The following COL27A1 variants were observed in gnomAD, a reference collection of about 807,000 sequenced individuals.
COL27A1 encodes collagen type XXVII alpha 1 chain, also known as collagen alpha-1(XXVII) chain.
Under a neutral mutation model 251.3 loss-of-function variants are expected in COL27A1, and 106 were observed. That is an observed-to-expected ratio of 0.42 (90% CI 0.36 to 0.50). COL27A1 has a LOEUF of 0.50. Among genes scored for constraint, COL27A1 ranks in the 20% least tolerant of loss-of-function variants. The pLI is 0.00. For synonymous variants in COL27A1, 1,000 were observed against 986.3 expected, an observed-to-expected ratio of 1.01 and a Z score of -0.26; for missense variants, 2,325 against 2,522.8, an observed-to-expected ratio of 0.92 and a Z score of 1.68.
At chr9:114,190,277 T>A (rs545046746) in intron 5 of COL27A1, among the ~76,000 whole-genome samples, 1 of 152,340 alleles carries the variant, frequency 6.6e-6, no homozygotes, top group African/African-American at 2.4e-5. Flanking sequence ...TTTATTCATT[T>A]ATTTGTTTGT....
In COL27A1 at chr9:114,169,044, T is replaced by A. The variant is rs745577644; in HGVS notation, c.1489T>A (p.Ser497Thr). 1 of 1,613,964 alleles carries A rather than the reference T, an allele frequency of 6.2e-7. No individual in the cohort carries two copies. Residue 497 changes from serine (S) to threonine (T), a missense_variant, in exon 3 of 61, where the codon TCT becomes ACT. Physicochemically the swap from Ser to Thr is moderately conservative, Grantham distance 58. Around this residue, in one of 4 missense-constraint regions of COL27A1, gnomAD observed 1,183 missense variants for 1,144.1 expected, o/e 1.03. Coordinates refer to ENST00000356083, the MANE Select transcript of COL27A1 (RefSeq NM_032888.4). ...LSSSPAPTPG[S>T]TRSTRPPATM... Reference sequence around the variant, plus strand: ...CTCATCTCCTGCCCCTACTCCTGGTTCTACCAGGAGTACTCGGCCACCAGC... The same window carrying A: ...CTCATCTCCTGCCCCTACTCCTGGTACTACCAGGAGTACTCGGCCACCAGC...
chr9:114,228,383 G>A (rs931893063), intron 14 of COL27A1, among the ~76,000 whole-genome samples: 2 of 152,228 alleles, frequency 1.3e-5, no homozygotes, highest in African/African-American at 4.8e-5. Context: ...GCATCAGGGG[G>A]AACTCTGGGC....
chr9:114,206,731 T>G (rs577653316), intron 10 of COL27A1, among the ~76,000 whole-genome samples: 21 of 152,312 alleles, frequency 1.4e-4, no homozygotes, highest in Admixed American at 1.0e-3. Flanking sequence ...TGCCCAAGCC[T>G]GCAGCCTGGT....
At chr9:114,157,404 G>A (rs1303807543) in intron 1 of COL27A1, among the ~76,000 whole-genome samples, 2 of 152,156 alleles carry the variant, frequency 1.3e-5, no homozygotes, top group African/African-American at 2.4e-5. Flanking sequence ...GGACCCTTCT[G>A]GCCGGACCAA....
intron 27 of COL27A1, among the ~76,000 whole-genome samples, chr9:114,255,394 A>G (rs16927626): frequency 0.047 from 7,186 of 152,260 alleles, 215 homozygotes; most frequent in African/African-American, 0.085. Context: ...CTGGGGGTAC[A>G]TCATCGAGTT....
chr9:114,300,691 A>G lies in COL27A1; in HGVS notation c.4701+4A>G. The G allele has an allele frequency of 6.7e-7, 1 of 1,501,416 alleles. No homozygotes were observed. Among genetic ancestry groups the G allele is most frequent in the East Asian group, 2.5e-5 (1 of 40,664 alleles). The allele number at this position is 1,501,416 out of a possible 1,614,324, so 93.0% of individuals were successfully genotyped here. On this transcript the variant is annotated splice_donor_region_variant and intron_variant, in intron 51 of 60. Coordinates refer to ENST00000356083, the MANE Select transcript of COL27A1 (RefSeq NM_032888.4). ...TCGGGGGCCACCTGGCTTGATGGTG[A>G]GTTCCCTCCCTGCTGTCGGAGCAGA...
intron 3 of COL27A1, among the ~76,000 whole-genome samples, chr9:114,171,151 A>G (rs1448048388): frequency 6.6e-6 from 1 of 152,184 alleles, no homozygotes. Context: ...ATCTCTTTGA[A>G]AAAGAGGAGG....
chr9:114,248,780 C>G (rs1833326464), intron 24 of COL27A1, among the ~76,000 whole-genome samples: 1 of 152,216 alleles, frequency 6.6e-6, no homozygotes, highest in Non-Finnish European at 1.5e-5. Flanking sequence ...ACCCGCTTGC[C>G]TTCCAGGACC....
upstream of COL27A1, among the ~76,000 whole-genome samples, chr9:114,154,353 C>A (rs545207547): frequency 6.6e-6 from 1 of 152,346 alleles, no homozygotes; most frequent in African/African-American, 2.4e-5. This position sits in a 1 kb window ranked among gnomAD's most constrained non-coding sequence, Gnocchi z 5.8. Flanking sequence ...ACCGGCCAGC[C>A]TCGCACGTAG....
At chr9:114,266,447 A>T in intron 32 of COL27A1, 118 bp from the exon 33 acceptor site, 1 of 738,904 alleles carries the variant, frequency 1.4e-6, no homozygotes, top group Non-Finnish European at 2.3e-6. Flanking sequence ...GGGGCGGACT[A>T]GGGGTGTGCT....
At chr9:114,293,473 T>C (rs377594047) in intron 49 of COL27A1, among the ~76,000 whole-genome samples, 112 of 149,500 alleles carry the variant, frequency 7.5e-4, no homozygotes, top group African/African-American at 2.6e-3. Flanking sequence ...CTTAAGAAAC[T>C]GGGGGTTGGG....
intron 27 of COL27A1, among the ~76,000 whole-genome samples, chr9:114,258,135 G>A (rs1834066186): frequency 6.6e-6 from 1 of 152,212 alleles, no homozygotes; most frequent in African/African-American, 2.4e-5. Flanking sequence ...GCTCAAGGCT[G>A]CACTGCACTC....
chr9:114,308,731 C>T (rs749066379), intron 59 of COL27A1, among the ~76,000 whole-genome samples: 2 of 152,210 alleles, frequency 1.3e-5, no homozygotes, highest in Non-Finnish European at 2.9e-5. Context: ...CCTTCTCCAT[C>T]AGAAACAATG....
intron 5 of COL27A1, among the ~76,000 whole-genome samples, chr9:114,185,082 A>G (rs1828237958): frequency 6.6e-6 from 1 of 152,070 alleles, no homozygotes; most frequent in Non-Finnish European, 1.5e-5. Context: ...AGCCCACCCC[A>G]ATCTTGCTAA....
At chr9:114,173,706 C>T (rs1253725599) in intron 3 of COL27A1, among the ~76,000 whole-genome samples, 1 of 138,732 alleles carries the variant, frequency 7.2e-6, no homozygotes, top group East Asian at 2.2e-4. Context: ...ATGCGGGGGT[C>T]GGGGGGAGGG....
intron 23 of COL27A1, among the ~76,000 whole-genome samples, chr9:114,244,921 C>T (rs1023202354): frequency 1.3e-5 from 2 of 152,168 alleles, no homozygotes; most frequent in Non-Finnish European, 1.5e-5. Context: ...CGAGATAGGC[C>T]ACCCAATGTG....
intron 60 of COL27A1, among the ~76,000 whole-genome samples, chr9:114,310,126 G>A (rs895794817): frequency 6.6e-6 from 1 of 152,098 alleles, no homozygotes; most frequent in Non-Finnish European, 1.5e-5. Flanking sequence ...TAGGGAAAAG[G>A]GTGGGAGAGG....
intron 2 of COL27A1, among the ~76,000 whole-genome samples, chr9:114,167,196 G>T (rs891722): frequency 0.24 from 36,403 of 152,018 alleles, 4,569 homozygotes; most frequent in Middle Eastern, 0.37. Context: ...TCATTGTTGG[G>T]CAGCCTCTAA....
chr9:114,250,602 A>G lies in COL27A1; in HGVS notation c.2980-13A>G. The G allele has an allele frequency of 1.2e-6, 2 of 1,610,198 alleles. No homozygotes were observed. Among genetic ancestry groups the G allele is most frequent in the South Asian group, 1.1e-5 (1 of 91,024 alleles). ...CACGTTGTTTCTCTTGCTTTCGGGA[A>G]TGTGTCTCATAGGGATTTATGGGAT... On this transcript the variant is annotated splice_polypyrimidine_tract_variant and intron_variant, in intron 24 of 60. Transcript: ENST00000356083.
Sources: allele counts gnomAD v4.1 joint callset (sites outside exome capture counted in the v4.1 genomes callset), GRCh38; gene constraint gnomAD v4.1.1; regional missense constraint gnomAD v4.1.1; non-coding constraint Gnocchi (gnomAD v3.1); transcripts MANE v1.5; gene names NCBI Gene and HGNC (gene_info 2026-07-23, HGNC 2026-07-21).